CFAP74: variants seen among roughly 807,000 people sequenced by gnomAD.
CFAP74 encodes cilia- and flagella-associated protein 74.
In CFAP74, 124 loss-of-function variants were observed where a neutral mutation model predicts 188.9. The observed-to-expected ratio is 0.66, with a 90% CI of 0.57 to 0.76. CFAP74 has a LOEUF of 0.76. CFAP74 is among the 30% of genes least tolerant of loss of function. The pLI is 0.00. For missense variants in CFAP74, 2,198 were observed against 2,165.2 expected (o/e 1.02, Z -0.30); for synonymous variants, 956 against 916.7 (o/e 1.04, Z -0.77).
At chr1:1,949,027 TCTCC>T (rs1225248670) in intron 18 of CFAP74, among the ~76,000 whole-genome samples, 1 of 74,002 alleles carries the variant, frequency 1.4e-5, no homozygotes, top group African/African-American at 5.8e-5. Context: ...TCCTTCCTTC[TCTCC>T]CTCCCTCCTT....
chr1:1,979,863 G>A (rs545103037), intron 6 of CFAP74, among the ~76,000 whole-genome samples: 2 of 129,084 alleles, frequency 1.5e-5, no homozygotes, highest in East Asian at 4.7e-4. Flanking sequence ...GTCACATGAC[G>A]AAGCTGCGCA....
chr1:1,959,463 G>C (rs1337572567), intron 15 of CFAP74, among the ~76,000 whole-genome samples: 1 of 151,910 alleles, frequency 6.6e-6, no homozygotes, highest in Non-Finnish European at 1.5e-5. Context: ...ACGGGGTCTC[G>C]CCATGTTGCC....
intron 18 of CFAP74, among the ~76,000 whole-genome samples, chr1:1,952,551 GA>G (rs1448782348): frequency 6.7e-6 from 1 of 150,272 alleles, no homozygotes; most frequent in African/African-American, 2.5e-5. Context: ...AAGAAAAAAG[GA>G]AGGAAGGAAG....
intron 1 of CFAP74, among the ~76,000 whole-genome samples, chr1:2,003,113 A>G (rs1307366892): frequency 1.3e-5 from 2 of 152,196 alleles, no homozygotes; most frequent in African/African-American, 4.8e-5. Flanking sequence ...TAACTTGGGT[A>G]GTGGCTACTG....
chr1:1,938,930 T>C lies in CFAP74; in HGVS notation c.2936A>G (p.Gln979Arg). ...GGTGGGCTGGAAGATCACACAGAAC[T>C]GCAGCGTTTCCAGGGGCAGGATCGT... ...FGTILPLETL[Q>R]FCVIFQPTKA... is the part of the protein sequence containing the mutation. Residue 979 changes from glutamine to arginine, a missense_variant, in exon 25 of 39, where the codon CAG (glutamine) becomes CGG (arginine). Physicochemically the swap from Gln to Arg is conservative, Grantham distance 43. Transcript: ENST00000682832. The C allele has an allele frequency of 6.5e-7, 1 of 1,536,160 alleles. No homozygotes were observed. Among genetic ancestry groups the C allele is most frequent in the Non-Finnish European group, 8.7e-7 (1 of 1,146,912 alleles).
intron 1 of CFAP74, among the ~76,000 whole-genome samples, chr1:1,994,502 C>A (rs1384613406): frequency 1.3e-5 from 2 of 152,156 alleles, no homozygotes; most frequent in African/African-American, 4.8e-5. Flanking sequence ...TCCTGGGAGG[C>A]AGAATTTTAA....
In CFAP74 at chr1:1,965,138, G is replaced by A. The variant is rs1655382715; in HGVS notation, c.1402-77C>T. On this transcript the variant is annotated intron_variant, in intron 12 of 38. Transcript: ENST00000682832. ...GCGCCGGTGGCAGCTCGGAGGCGAG[G>A]GTAGCGGTTAGCAGAGCACGGACAG... 4.9e-6 allele frequency: 7 copies of A among 1,439,532 alleles called. No individual in the cohort carries two copies. In the South Asian group the frequency reaches 9.0e-5, roughly 18 times the overall value. 89.2% of individuals were successfully genotyped at this position (1,439,532 alleles called of 1,614,324 possible). A position where few individuals can be genotyped will look rare whatever the true frequency, so the allele number is the denominator to read the frequency against.
intron 1 of CFAP74, among the ~76,000 whole-genome samples, chr1:1,996,248 G>A (rs1657908021): frequency 6.6e-6 from 1 of 152,176 alleles, no homozygotes; most frequent in Non-Finnish European, 1.5e-5. Flanking sequence ...GCCTTCCGAA[G>A]TGCTGGGATT....
chr1:1,940,271 T>C (rs1316453877), intron 23 of CFAP74, 45 bp downstream of exon 23: 2 of 1,449,616 alleles, frequency 1.4e-6, no homozygotes, highest in Admixed American at 3.9e-5. Flanking sequence ...AAGCCCCTGC[T>C]ACCCAGGAGC....
At chr1:1,963,547 T>C (rs569465053) in intron 14 of CFAP74, among the ~76,000 whole-genome samples, 1 of 147,538 alleles carries the variant, frequency 6.8e-6, no homozygotes, top group South Asian at 2.1e-4. Context: ...GTTCCAGCCA[T>C]TCGTGAAGGG....
At chr1:1,943,780 C>G (rs1282891412) in intron 21 of CFAP74, among the ~76,000 whole-genome samples, 2 of 152,224 alleles carry the variant, frequency 1.3e-5, no homozygotes, top group East Asian at 3.8e-4. Flanking sequence ...GAGGCACATT[C>G]ATTCTCTCCA....
chr1:1,950,261 A>G (rs553459152), intron 18 of CFAP74, among the ~76,000 whole-genome samples: 1 of 151,206 alleles, frequency 6.6e-6, no homozygotes, highest in South Asian at 2.1e-4. Context: ...AATGATGTTG[A>G]GCGTCTTTTC....
intron 1 of CFAP74, among the ~76,000 whole-genome samples, chr1:2,001,061 T>C (rs927722102): frequency 6.6e-6 from 1 of 151,946 alleles, no homozygotes; most frequent in Middle Eastern, 3.2e-3. Flanking sequence ...TGAGGGTATG[T>C]GGCTGAGGCT....
At position 1,955,722 on chromosome 1, in the gene CFAP74, C is replaced by T. The variant is rs745996385; in HGVS notation, c.2145G>A (p.Leu715=). The change falls in exon 18 of 39, where the codon CTG becomes CTA. Residue 715 remains leucine (L), a synonymous_variant. Coordinates refer to ENST00000682832, the MANE Select transcript of CFAP74 (RefSeq NM_001304360.2). The part of the protein sequence containing the change: ...DMQSRKELEK[L]DKEQEEEQPA... ...GCTGCTCCTCCTCCTGCTCCTTGTC[C>T]AGCTTCTCCAGCTCCTTCCGGCTCT... 38 of 1,614,016 alleles carry T rather than the reference C, an allele frequency of 2.4e-5. No homozygotes were observed. Among genetic ancestry groups the T allele is most frequent in the Non-Finnish European group, 3.1e-5 (36 of 1,180,014 alleles).
intron 1 of CFAP74, among the ~76,000 whole-genome samples, chr1:2,000,169 A>G (rs999967007): frequency 2.0e-5 from 3 of 152,368 alleles, no homozygotes; most frequent in Non-Finnish European, 4.4e-5. Context: ...ATCTCAAAAA[A>G]AAGAAAAAAG....
chr1:1,976,856 T>TA (rs1161040196), intron 6 of CFAP74, among the ~76,000 whole-genome samples: 1 of 68,344 alleles, frequency 1.5e-5, no homozygotes, highest in Non-Finnish European at 3.4e-5. Context: ...ACCTCTTTTC[T>TA]TTTTTTTTTG....
chr1:1,958,319 C>T (rs1357214487), intron 16 of CFAP74, among the ~76,000 whole-genome samples: 1 of 152,250 alleles, frequency 6.6e-6, no homozygotes, highest in South Asian at 2.1e-4. Context: ...GCCCCGCTGA[C>T]GCAGGCTCAG....
intron 22 of CFAP74, among the ~76,000 whole-genome samples, chr1:1,940,815 G>T (rs1365702236): frequency 6.6e-6 from 1 of 152,180 alleles, no homozygotes; most frequent in South Asian, 2.1e-4. Flanking sequence ...CGTTGTTAAA[G>T]AACTATCAGG....
At chr1:1,970,514 C>T in intron 10 of CFAP74, 145 bp downstream of exon 10, 7 of 883,940 alleles carry the variant, frequency 7.9e-6, no homozygotes, top group Non-Finnish European at 1.2e-5. Flanking sequence ...CCTGGAGCCC[C>T]TGTTCCCGTG....
Sources: gnomAD v4.1 joint callset for allele counts (sites outside exome capture counted in the v4.1 genomes callset) on GRCh38, gnomAD v4.1.1 for gene constraint, MANE v1.5 for transcripts, NCBI Gene and HGNC (gene_info 2026-07-23, HGNC 2026-07-21) for gene names.